Variants in CSMD1 observed in about 807,000 individuals in gnomAD.
CSMD1 encodes the protein CUB and sushi domain-containing protein 1.
CSMD1 carries 213 observed loss-of-function variants against 417.5 expected under a neutral mutation model. The ratio of observed to expected loss-of-function variants is 0.51; its 90% confidence interval spans 0.46 to 0.57. CSMD1 has a LOEUF of 0.57. CSMD1 is among the 20% of genes least tolerant of loss of function. The pLI is 0.00. For synonymous variants in CSMD1, 2,862 were observed against 1,736.8 expected, an observed-to-expected ratio of 1.65 and a Z score of -16.11; for missense variants, 6,923 against 4,529.7, an observed-to-expected ratio of 1.53 and a Z score of -15.17.
At chr8:3,506,056 G>C (rs1003876452) in intron 10 of CSMD1, among the ~76,000 whole-genome samples, 7 of 152,166 alleles carry the variant, frequency 4.6e-5, no homozygotes, top group Admixed American at 3.3e-4. Context: ...GGGCAACCAA[G>C]TTCCTCCTGG....
rs544982229 is a variant in CSMD1 at position 4,376,021 on chromosome 8, A to G, written c.415+43932T>C. Among the ~76,000 whole-genome samples the G allele has an allele frequency of 3.3e-5, 5 of 152,276 alleles. No individual in the cohort carries two copies. In the East Asian group the frequency reaches 9.7e-4, roughly 29 times the overall value. ...CAGCCAAGGGATTGTCTATGGTGGAAAATGCCCGTCTTTAAGTCTTGATAT... is the reference window on the plus strand; with the variant it reads ...CAGCCAAGGGATTGTCTATGGTGGAGAATGCCCGTCTTTAAGTCTTGATAT... On this transcript the variant is annotated intron_variant, in intron 3 of 69. Transcript: ENST00000635120.
At chr8:2,942,844 T>G (rs1801983891) in intron 68 of CSMD1, among the ~76,000 whole-genome samples, 1 of 152,178 alleles carries the variant, frequency 6.6e-6, no homozygotes, top group Admixed American at 6.5e-5. Context: ...ACATTTAAAA[T>G]GTGAGAAAGG....
intron 5 of CSMD1, among the ~76,000 whole-genome samples, chr8:3,924,157 A>G (rs572940399): frequency 6.6e-6 from 1 of 152,304 alleles, no homozygotes; most frequent in Admixed American, 6.5e-5. Context: ...AGTTTCTCTG[A>G]GTATAGCATT....
chr8:3,709,314 C>G (rs960806434), intron 6 of CSMD1, among the ~76,000 whole-genome samples: 3 of 152,132 alleles, frequency 2.0e-5, no homozygotes, highest in African/African-American at 7.2e-5. Context: ...CCTACAGCAG[C>G]TGCGAGCAGG....
At chr8:3,548,344 A>G (rs1334124951) in intron 10 of CSMD1, among the ~76,000 whole-genome samples, 2 of 152,092 alleles carry the variant, frequency 1.3e-5, no homozygotes, top group East Asian at 3.9e-4. Context: ...GTATTTGGTT[A>G]CGTGATCGAG....
At chr8:3,233,293 G>C (rs1798953892) in intron 26 of CSMD1, among the ~76,000 whole-genome samples, 1 of 152,098 alleles carries the variant, frequency 6.6e-6, no homozygotes, top group African/African-American at 2.4e-5. Flanking sequence ...GAGGGGAATT[G>C]GTGACTTTAT....
At chr8:4,125,542 C>G (rs746651758) in intron 3 of CSMD1, among the ~76,000 whole-genome samples, 2 of 152,188 alleles carry the variant, frequency 1.3e-5, no homozygotes, top group Non-Finnish European at 2.9e-5. Context: ...CGCGCAGCCT[C>G]AACTTTGTTA....
chr8:4,527,942 G>A (rs559874227), intron 2 of CSMD1, among the ~76,000 whole-genome samples: 8 of 152,252 alleles, frequency 5.3e-5, no homozygotes, highest in Non-Finnish European at 1.0e-4. Flanking sequence ...TGTGCTGACT[G>A]GCCCAGGGCA....
At chr8:4,317,592 AGAG>A (rs1175121735) in intron 3 of CSMD1, among the ~76,000 whole-genome samples, 1 of 131,336 alleles carries the variant, frequency 7.6e-6, no homozygotes, top group South Asian at 2.4e-4. Flanking sequence ...CAAGAGAGAG[AGAG>A]GAGAGAGGGG....
intron 1 of CSMD1, among the ~76,000 whole-genome samples, chr8:4,951,810 C>G (rs1808767722): frequency 6.6e-6 from 1 of 151,674 alleles, no homozygotes; most frequent in South Asian, 2.1e-4. Flanking sequence ...TGAGCCTTCT[C>G]CTTTGCACAA....
chr8:3,288,814 T>G (rs1280264398), intron 25 of CSMD1, among the ~76,000 whole-genome samples: 1 of 147,486 alleles, frequency 6.8e-6, no homozygotes, highest in East Asian at 2.0e-4. Context: ...TTCCTATAAT[T>G]GTATTTCTTT....
chr8:4,885,887 T>C (rs914010455), intron 1 of CSMD1, among the ~76,000 whole-genome samples: 1 of 152,174 alleles, frequency 6.6e-6, no homozygotes, highest in Admixed American at 6.5e-5. Context: ...TCAACACTGC[T>C]TTCTCCATGC....
At chr8:4,098,353 G>C (rs939458451) in intron 3 of CSMD1, among the ~76,000 whole-genome samples, 1 of 152,030 alleles carries the variant, frequency 6.6e-6, no homozygotes, top group African/African-American at 2.4e-5. Flanking sequence ...TAATAGTGTT[G>C]ATCTTCACTA....
intron 26 of CSMD1, among the ~76,000 whole-genome samples, chr8:3,263,120 A>C (rs775400740): frequency 5.3e-5 from 8 of 152,098 alleles, no homozygotes; most frequent in Middle Eastern, 6.8e-3. Context: ...ATTTTTTTTC[A>C]GAGAGTTTCA....
intron 3 of CSMD1, among the ~76,000 whole-genome samples, chr8:4,275,439 C>G (rs1444217782): frequency 6.6e-6 from 1 of 152,028 alleles, no homozygotes; most frequent in South Asian, 2.1e-4. Context: ...GTGCATGATA[C>G]TATGGCCTTT....
At chr8:4,397,720 G>A (rs572117719) in intron 3 of CSMD1, among the ~76,000 whole-genome samples, 1 of 151,770 alleles carries the variant, frequency 6.6e-6, no homozygotes, top group Admixed American at 6.6e-5. Context: ...AACTAGATTT[G>A]AATCTCAAAA....
intron 1 of CSMD1, among the ~76,000 whole-genome samples, chr8:4,839,872 T>C (rs1284610514): frequency 6.6e-6 from 1 of 152,206 alleles, no homozygotes; most frequent in Non-Finnish European, 1.5e-5. Context: ...TTTCAATTCT[T>C]AGTACTAGCT....
intron 2 of CSMD1, among the ~76,000 whole-genome samples, chr8:4,633,814 G>C (rs1802680106): frequency 6.6e-6 from 1 of 152,066 alleles, no homozygotes; most frequent in South Asian, 2.1e-4. Context: ...ACCCGCCTTA[G>C]CCTCCCAAAT....
intron 3 of CSMD1, among the ~76,000 whole-genome samples, chr8:4,309,367 G>C (rs889290321): frequency 3.3e-5 from 5 of 152,006 alleles, no homozygotes; most frequent in African/African-American, 9.7e-5. Context: ...CTAATCTTTT[G>C]TTCTGTAGTC....
Sources: gnomAD v4.1 joint callset for allele counts (sites outside exome capture counted in the v4.1 genomes callset) on GRCh38, gnomAD v4.1.1 for gene constraint, MANE v1.5 for transcripts, NCBI Gene and HGNC (gene_info 2026-07-23, HGNC 2026-07-21) for gene names.